Variants in TBXAS1 observed in about 807,000 individuals in gnomAD.
The protein encoded by TBXAS1 is thromboxane A synthase 1.
Under a neutral mutation model 60.7 loss-of-function variants are expected in TBXAS1, and 48 were observed. The ratio of observed to expected loss-of-function variants is 0.79; its 90% CI spans 0.63 to 1.01. TBXAS1 has a LOEUF of 1.01. Ranked by LOEUF, TBXAS1 falls within the 50% of genes least tolerant of loss-of-function variation. The probability of loss-of-function intolerance (pLI) is 0.00; values close to 1 mark genes in which losing one functional copy is unlikely to be tolerated. For synonymous variants in TBXAS1, 287 were observed against 269.7 expected, an observed-to-expected ratio of 1.06 and a Z score of -0.63; for missense variants, 685 against 686.3, an observed-to-expected ratio of 1.00 and a Z score of 0.02.
chr7:139,872,648 C>A (rs1584733455), intron 2 of TBXAS1, among the ~76,000 whole-genome samples: 1 of 152,110 alleles, frequency 6.6e-6, no homozygotes, highest in South Asian at 2.1e-4. Context: ...GAGCAAAAAT[C>A]TGTCTCAAAA....
chr7:139,811,037 AC>A (rs544966238), intron 4 of TBXAS1, among the ~76,000 whole-genome samples: 10 of 152,338 alleles, frequency 6.6e-5, no homozygotes, highest in African/African-American at 2.2e-4. Context: ...CCATACACAC[AC>A]ACATCAGACT....
chr7:139,898,461 T>C (rs1804293462), intron 3 of TBXAS1, among the ~76,000 whole-genome samples: 1 of 141,728 alleles, frequency 7.1e-6, no homozygotes, highest in South Asian at 2.3e-4. Context: ...AGAGTCTTGC[T>C]CTTGTCACCC....
Position 139,951,593 on chromosome 7 carries a change from T to TAAAAAA in TBXAS1, c.451-1750_451-1745dup, listed in dbSNP as rs66551791. 3.2e-3 allele frequency among the ~76,000 whole-genome samples: 211 copies of TAAAAAA among 66,294 alleles called. 3 individuals are homozygous for TAAAAAA. Among genetic ancestry groups the TAAAAAA allele is most frequent in the Middle Eastern group, 0.013 (1 of 78 alleles). 43.5% of individuals were successfully genotyped at this position (66,294 alleles called of 152,430 possible). ...CAACATGGTGGAATCCCGTCTCTAC[T>TAAAAAA]AAAAAAAAAAAAAAAAAAAAAAAAA... On this transcript the variant is annotated intron_variant, in intron 5 of 12. Transcript: ENST00000448866.
intron 1 of TBXAS1, among the ~76,000 whole-genome samples, chr7:139,841,395 A>G (rs1020031716): frequency 1.3e-5 from 2 of 152,220 alleles, no homozygotes; most frequent in Non-Finnish European, 2.9e-5. Context: ...AGGAGTGTGA[A>G]TAATGGACAC....
intron 12 of TBXAS1, among the ~76,000 whole-genome samples, chr7:140,018,578 C>T (rs1196586607): frequency 6.6e-6 from 1 of 152,156 alleles, no homozygotes; most frequent in Admixed American, 6.5e-5. Context: ...TCACACACTC[C>T]AGAACCAGCA....
intron 11 of TBXAS1, 93 bp from the exon 12 acceptor site, chr7:140,017,578 G>C: frequency 6.5e-7 from 1 of 1,539,438 alleles, no homozygotes; most frequent in South Asian, 1.2e-5. Context: ...AGACATCCTT[G>C]TCTCAGATGC....
At chr7:139,847,616 T>C (rs1277283998) in intron 1 of TBXAS1, among the ~76,000 whole-genome samples, 1 of 152,174 alleles carries the variant, frequency 6.6e-6, no homozygotes, top group Non-Finnish European at 1.5e-5. Flanking sequence ...CTTATCCTTC[T>C]CTTCCCAGCC....
At chr7:139,976,302 T>C (rs1475233253) in intron 9 of TBXAS1, among the ~76,000 whole-genome samples, 1 of 152,110 alleles carries the variant, frequency 6.6e-6, no homozygotes, top group Non-Finnish European at 1.5e-5. Flanking sequence ...TTGAGACAAG[T>C]CCCTGGGAAA....
intron 4 of TBXAS1, among the ~76,000 whole-genome samples, chr7:139,823,795 G>A (rs920782015): frequency 6.6e-6 from 1 of 152,134 alleles, no homozygotes; most frequent in East Asian, 1.9e-4. Context: ...TCTGAGCTCC[G>A]GTTTTATCAA....
chr7:139,872,884 C>T (rs1262442762), intron 2 of TBXAS1, among the ~76,000 whole-genome samples: 1 of 152,132 alleles, frequency 6.6e-6, no homozygotes, highest in East Asian at 1.9e-4. Context: ...TCACCCATTT[C>T]CCCCAAACCC....
rs532436242 is a variant in TBXAS1 at position 139,919,018 on chromosome 7, C to T, written c.333+7697C>T. On this transcript the variant is annotated intron_variant, in intron 4 of 12. Coordinates refer to ENST00000448866, the MANE Select transcript of TBXAS1 (RefSeq NM_001061.7). ...TACTCTATTTTTAGTAAAAGGGACA[C>T]CTTTACTATTTCAAACCACCAAAAT... Among the ~76,000 whole-genome samples the T allele has an allele frequency of 5.9e-5, 9 of 152,044 alleles. No homozygotes were observed. In the East Asian group the frequency reaches 7.7e-4, roughly 13 times the overall value.
intron 5 of TBXAS1, among the ~76,000 whole-genome samples, chr7:139,941,214 AG>A (rs1808262717): frequency 6.6e-6 from 1 of 152,236 alleles, no homozygotes; most frequent in Non-Finnish European, 1.5e-5. Context: ...TTGAAATAAA[AG>A]TTTGTTTCCC....
chr7:139,816,871 C>T (rs571146417), intron 4 of TBXAS1, among the ~76,000 whole-genome samples: 13 of 152,270 alleles, frequency 8.5e-5, no homozygotes, highest in Admixed American at 4.6e-4. Context: ...GAGGCTTCCT[C>T]GTAGGGCTGC....
At chr7:139,910,095 T>A (rs950792942) in intron 3 of TBXAS1, among the ~76,000 whole-genome samples, 2 of 152,196 alleles carry the variant, frequency 1.3e-5, no homozygotes, top group African/African-American at 2.4e-5. Context: ...AAGCATTGAG[T>A]TGAGTGTGCC....
intron 9 of TBXAS1, among the ~76,000 whole-genome samples, chr7:139,991,569 C>A (rs955540336): frequency 3.3e-5 from 5 of 152,084 alleles, no homozygotes; most frequent in Non-Finnish European, 7.4e-5. Flanking sequence ...GGGACCCTTG[C>A]AGAACAGATG....
At position 139,816,377 on chromosome 7, in the gene TBXAS1, A is replaced by G. The variant is rs899464236; in HGVS notation, c.-79-12935A>G. 1.1e-4 allele frequency among the ~76,000 whole-genome samples: 16 copies of G among 152,330 alleles called. 1 individual carries two copies. The East Asian group carries it at 3.1e-3, about 29-fold the overall frequency. ...ATAGGAAGAAATTCATACAGAATCG[A>G]AAGAGTTGCTGACATGCTGCTGCCC... On this transcript the variant is annotated intron_variant, in intron 4 of 16. Transcript: ENST00000336425.
intron 9 of TBXAS1, among the ~76,000 whole-genome samples, chr7:139,992,521 G>C (rs1233688784): frequency 1.3e-5 from 2 of 152,168 alleles, no homozygotes; most frequent in Non-Finnish European, 2.9e-5. Flanking sequence ...GGCCACTCTT[G>C]GCAAGAAGCC....
chr7:139,835,424 G>A (rs1798994657), intron 1 of TBXAS1, among the ~76,000 whole-genome samples: 1 of 152,064 alleles, frequency 6.6e-6, no homozygotes, highest in African/African-American at 2.4e-5. Context: ...ATATCAAAAA[G>A]ATAATCCACC....
chr7:139,936,373 G>A (rs1300155585), intron 5 of TBXAS1, 66 bp downstream of exon 5: 2 of 1,500,078 alleles, frequency 1.3e-6, no homozygotes, highest in South Asian at 1.1e-5. Flanking sequence ...AAATCGTGAT[G>A]AGAGCCAGTT....
Sources: allele counts gnomAD v4.1 joint callset (sites outside exome capture counted in the v4.1 genomes callset), GRCh38; gene constraint gnomAD v4.1.1; transcripts MANE v1.5; gene names NCBI Gene and HGNC (gene_info 2026-07-23, HGNC 2026-07-21).